RANBP17: variants seen among roughly 807,000 people sequenced by gnomAD.
RANBP17 encodes ran-binding protein 17.
RANBP17 carries 158 observed loss-of-function variants against 141.2 expected under a neutral mutation model. The observed-to-expected ratio is 1.12, with a 90% CI of 0.98 to 1.28. RANBP17 has a LOEUF of 1.28. Ranked by LOEUF, RANBP17 falls within the 50% of genes most tolerant of loss-of-function variation. The pLI, the probability that RANBP17 is intolerant of heterozygous loss-of-function variation, is 0.00. For missense variants in RANBP17, 1,438 were observed against 1,290.7 expected, an observed-to-expected ratio of 1.11 and a Z score of -1.75; for synonymous variants, 430 against 450.0, an observed-to-expected ratio of 0.96 and a Z score of 0.56.
intron 12 of RANBP17, among the ~76,000 whole-genome samples, chr5:170,929,976 A>C (rs997728930): frequency 6.6e-6 from 1 of 152,206 alleles, no homozygotes; most frequent in Non-Finnish European, 1.5e-5. Context: ...GAATAAAACT[A>C]TTCTTAATAT....
At position 171,072,532 on chromosome 5, in the gene RANBP17, A is replaced by G. The variant is rs554099270; in HGVS notation, c.1711-97598A>G. On this transcript the variant is annotated intron_variant, in intron 14 of 27. Transcript: ENST00000523189. ...ATGGCAAACAAGGATATGAAAAGATACTTAACATCATTTATCATTACAGAA... is the reference window on the plus strand; with the variant it reads ...ATGGCAAACAAGGATATGAAAAGATGCTTAACATCATTTATCATTACAGAA... Among the ~76,000 whole-genome samples, 5 of 152,290 alleles carry G rather than the reference A, an allele frequency of 3.3e-5. No individual in the cohort carries two copies. The East Asian group carries it at 9.6e-4, about 29-fold the overall frequency.
chr5:171,138,801 A>G (rs1757490955), intron 14 of RANBP17, among the ~76,000 whole-genome samples: 1 of 152,184 alleles, frequency 6.6e-6, no homozygotes, highest in Admixed American at 6.5e-5. Flanking sequence ...GCCAGGTGCA[A>G]TGGTTCACAC....
At chr5:171,030,478 T>C (rs1781487903) in intron 14 of RANBP17, among the ~76,000 whole-genome samples, 2 of 151,990 alleles carry the variant, frequency 1.3e-5, no homozygotes, top group Admixed American at 6.6e-5. Context: ...TTTTAAAATG[T>C]CTCCAGTGGT....
intron 24 of RANBP17, among the ~76,000 whole-genome samples, chr5:171,255,307 A>C (rs1331399303): frequency 3.3e-5 from 5 of 152,226 alleles, no homozygotes; most frequent in Non-Finnish European, 7.3e-5. Flanking sequence ...GAAAAAGAGG[A>C]AAGTGAAGCT....
chr5:170,951,058 A>C (rs1180653602), intron 12 of RANBP17, among the ~76,000 whole-genome samples: 5 of 152,104 alleles, frequency 3.3e-5, no homozygotes, highest in African/African-American at 1.2e-4. Context: ...GGAGAAGCTG[A>C]GAATGGTGTG....
At chr5:170,925,229 TC>T (rs1229729859) in intron 12 of RANBP17, among the ~76,000 whole-genome samples, 1 of 152,150 alleles carries the variant, frequency 6.6e-6, no homozygotes, top group African/African-American at 2.4e-5. Context: ...CAAATTTACT[TC>T]CAGTGATTTC....
At chr5:171,034,898 C>G (rs1452366827) in intron 14 of RANBP17, among the ~76,000 whole-genome samples, 9 of 152,066 alleles carry the variant, frequency 5.9e-5, no homozygotes, top group Admixed American at 2.0e-4. Context: ...CTCACGGCTC[C>G]TGGCAGCTTC....
intron 22 of RANBP17, among the ~76,000 whole-genome samples, chr5:171,230,588 C>A (rs1246095777): frequency 6.6e-6 from 1 of 152,070 alleles, no homozygotes; most frequent in African/African-American, 2.4e-5. Context: ...TGGCGAAACC[C>A]CATCTCTACT....
chr5:171,264,786 A>G (rs1295322232), intron 24 of RANBP17, among the ~76,000 whole-genome samples: 1 of 152,146 alleles, frequency 6.6e-6, no homozygotes, highest in Non-Finnish European at 1.5e-5. Context: ...AGGACTTGAA[A>G]CCAGAACTGT....
At chr5:171,060,301 T>G (rs79849495) in intron 14 of RANBP17, among the ~76,000 whole-genome samples, 3 of 140,416 alleles carry the variant, frequency 2.1e-5, no homozygotes, top group African/African-American at 7.7e-5. Flanking sequence ...GGCTGTGGGT[T>G]TGTCATAGAT....
At chr5:170,964,927 T>G (rs551005113) in intron 13 of RANBP17, among the ~76,000 whole-genome samples, 3 of 152,198 alleles carry the variant, frequency 2.0e-5, no homozygotes, top group Non-Finnish European at 4.4e-5. Flanking sequence ...ATGGGATGGC[T>G]GGGTCAAATG....
intron 25 of RANBP17, among the ~76,000 whole-genome samples, chr5:171,290,538 T>C (rs539887668): frequency 6.6e-6 from 1 of 152,338 alleles, no homozygotes; most frequent in African/African-American, 2.4e-5. Flanking sequence ...TTTGTTTTAC[T>C]TTTCCAGGTC....
chr5:171,062,724 A>T (rs1783982511), intron 14 of RANBP17, among the ~76,000 whole-genome samples: 1 of 152,098 alleles, frequency 6.6e-6, no homozygotes. Flanking sequence ...TAGATTGGGG[A>T]AGTTCTCCTG....
At chr5:171,113,876 A>G (rs938685049) in intron 14 of RANBP17, among the ~76,000 whole-genome samples, 6 of 152,192 alleles carry the variant, frequency 3.9e-5, no homozygotes, top group African/African-American at 1.4e-4. Context: ...AGTTTTCTAG[A>G]AGCTCTATGT....
intron 10 of RANBP17, 90 bp downstream of exon 10, chr5:170,918,949 A>G (rs1772207966): frequency 4.3e-6 from 3 of 701,912 alleles, no homozygotes; most frequent in South Asian, 7.6e-5. Context: ...AAAAATATCT[A>G]TTAATTTGAT....
intron 16 of RANBP17, among the ~76,000 whole-genome samples, chr5:171,173,709 A>G (rs955535042): frequency 4.6e-5 from 7 of 152,144 alleles, no homozygotes; most frequent in African/African-American, 1.7e-4. Context: ...GAGCATCGGA[A>G]TGTGAGTGCT....
At position 170,909,610 on chromosome 5, in the gene RANBP17, G is replaced by T. The variant is rs1833596; in HGVS notation, c.490-51G>T. 1.6e-3 allele frequency: 793 copies of T among 497,926 alleles called. No individual in the cohort carries two copies. Among genetic ancestry groups the T allele is most frequent in the South Asian group, 6.2e-3 (173 of 27,970 alleles). The allele number at this position is 497,926 out of a possible 1,614,324, so 30.8% of individuals were successfully genotyped here. A position where few individuals can be genotyped will look rare whatever the true frequency, so the allele number is the denominator to read the frequency against. On this transcript the variant is annotated intron_variant, in intron 5 of 27. Transcript: ENST00000523189. The stretch of plus-strand genomic sequence containing the variant: ...TTTTTTTTTTTTTTAGTAAATTTTG[G>T]TTTGCTTTTTCATAGGTCTGGTTAA...
At chr5:171,091,292 A>T (rs569695023) in intron 14 of RANBP17, among the ~76,000 whole-genome samples, 16 of 152,232 alleles carry the variant, frequency 1.1e-4, no homozygotes, top group African/African-American at 3.9e-4. Flanking sequence ...TTACTTCCTC[A>T]CTGGATTTCA....
chr5:171,213,248 ACT>A (rs1763016402), intron 20 of RANBP17, among the ~76,000 whole-genome samples: 1 of 152,150 alleles, frequency 6.6e-6, no homozygotes, highest in African/African-American at 2.4e-5. Context: ...GATAATAATA[ACT>A]CAAATATATT....
Sources: gnomAD v4.1 joint callset for allele counts (sites outside exome capture counted in the v4.1 genomes callset) on GRCh38, gnomAD v4.1.1 for gene constraint, MANE v1.5 for transcripts, NCBI Gene and HGNC (gene_info 2026-07-23, HGNC 2026-07-21) for gene names.